The following RNASEH1 variants were observed in gnomAD, a reference collection of about 807,000 sequenced individuals.
The protein encoded by RNASEH1 is ribonuclease H type II.
Under a neutral mutation model 34.6 loss-of-function variants are expected in RNASEH1, and 27 were observed. The ratio of observed to expected loss-of-function variants is 0.78; its 90% CI spans 0.58 to 1.08. RNASEH1 has a LOEUF of 1.08. Among genes scored for constraint, RNASEH1 ranks in the 50% least tolerant of loss-of-function variants. The probability of loss-of-function intolerance (pLI) is 0.00; values close to 1 mark genes in which losing one functional copy is unlikely to be tolerated. For synonymous variants in RNASEH1, 162 were observed against 138.4 expected, an observed-to-expected ratio of 1.17 and a Z score of -1.20; for missense variants, 349 against 373.6, an observed-to-expected ratio of 0.93 and a Z score of 0.54.
Position 3,556,398 on chromosome 2 carries a change from C to T in RNASEH1, c.244+391G>A, listed in dbSNP as rs565837124. On this transcript the variant is annotated intron_variant, in intron 2 of 7. Transcript: ENST00000315212. The stretch of plus-strand genomic sequence containing the variant: ...TCGGCTCACTGTAGCCTCCACTTCT[C>T]GGGCTCAAGCAATTCTCCCACCTCA... 1.4e-4 allele frequency among the ~76,000 whole-genome samples: 21 copies of T among 150,576 alleles called. 1 individual carries two copies. The East Asian group carries it at 3.2e-3, about 23-fold the overall frequency.
At position 3,554,167 on chromosome 2, in the gene RNASEH1, G is replaced by A. The variant is rs558263892; in HGVS notation, c.245-1859C>T. Among the ~76,000 whole-genome samples, 44 of 152,288 alleles carry A rather than the reference G, an allele frequency of 2.9e-4. 2 individuals carry two copies. The highest frequency in any genetic ancestry group is 9.9e-4 in the African/African-American group (41 of 41,558). On this transcript the variant is annotated intron_variant, in intron 2 of 7. Transcript: ENST00000315212. ...AACACTTGACTGTGATCAGCACGACGTCAGCAACAGCTGGCGTTTCCACTG... is the reference window on the plus strand; with the variant it reads ...AACACTTGACTGTGATCAGCACGACATCAGCAACAGCTGGCGTTTCCACTG...
intron 4 of RNASEH1, among the ~76,000 whole-genome samples, chr2:3,549,948 G>GAA (rs369750124): frequency 1.2e-4 from 15 of 124,578 alleles, no homozygotes; most frequent in African/African-American, 3.3e-4. Context: ...TCCGTCTCAG[G>GAA]AAAAAAAAAA....
the RNASEH1 span, among the ~76,000 whole-genome samples, chr2:3,535,856 G>A: frequency 2.0e-4 from 30 of 152,228 alleles, no homozygotes; most frequent in Non-Finnish European, 3.7e-4. Flanking sequence ...GAAGGACGCA[G>A]CCTGCAGTGG....
At chr2:3,555,541 A>G (rs553955020) in intron 2 of RNASEH1, among the ~76,000 whole-genome samples, 17 of 152,168 alleles carry the variant, frequency 1.1e-4, no homozygotes, top group African/African-American at 4.1e-4. Context: ...CTCGCTCTGA[A>G]TTGTGCTTTG....
intron 7 of RNASEH1, among the ~76,000 whole-genome samples, chr2:3,546,234 C>T (rs1354332350): frequency 6.6e-6 from 1 of 152,168 alleles, no homozygotes; most frequent in African/African-American, 2.4e-5. Flanking sequence ...GCAGTGCTGT[C>T]AGAAATAATG....
rs981106281 is a variant in RNASEH1, at chr2:3,550,317, A to G, written c.509+56T>C. 6.0e-5 allele frequency: 83 copies of G among 1,380,698 alleles called. No homozygotes were observed. In the African/African-American group the frequency reaches 9.8e-4, roughly 16 times the overall value. The allele number at this position is 1,380,698 out of a possible 1,614,324, so 85.5% of individuals were successfully genotyped here. A position where few individuals can be genotyped will look rare whatever the true frequency, so the allele number is the denominator to read the frequency against. On this transcript the variant is annotated intron_variant, in intron 4 of 7. Coordinates refer to ENST00000315212, the MANE Select transcript of RNASEH1 (RefSeq NM_002936.6). ...TCAAACAATGAGCAGATCCCGCCTC[A>G]TCTTTTCACAAGTTGTGGAACATGA...
At chr2:3,535,700 G>A in the RNASEH1 span, among the ~76,000 whole-genome samples, 16 of 152,130 alleles carry the variant, frequency 1.1e-4, no homozygotes, top group Admixed American at 2.0e-4. Flanking sequence ...TTCTGAGAGG[G>A]ACAAGGAAGT....
chr2:3,557,292 T>C (rs1660608141), intron 1 of RNASEH1, among the ~76,000 whole-genome samples: 1 of 152,154 alleles, frequency 6.6e-6, no homozygotes, highest in African/African-American at 2.4e-5. Context: ...AATTTTTGCG[T>C]GAAAAGGGCA....
chr2:3,543,355 GTTTTTC>G lies in RNASEH1; in HGVS notation c.*2424_*2429del, dbSNP rs1668454319. 6.6e-6 allele frequency among the ~76,000 whole-genome samples: 1 copy of G among 152,182 alleles called. No homozygotes were observed. The highest frequency in any genetic ancestry group is 6.5e-5 in the Admixed American group (1 of 15,278). ...CAATTAAACTGCTAACTTGTCTAAAGTTTTTCTTTTAAGACAGGTTTGGAGCAGAAG... is the reference window on the plus strand; with the variant it reads ...CAATTAAACTGCTAACTTGTCTAAAGTTTTAAGACAGGTTTGGAGCAGAAG... On this transcript the variant is annotated 3_prime_UTR_variant, in exon 8 of 8. Transcript: ENST00000315212.
chr2:3,556,528 T>G (rs1202590600), intron 2 of RNASEH1, among the ~76,000 whole-genome samples: 1 of 151,990 alleles, frequency 6.6e-6, no homozygotes. Context: ...TGGACAAGTA[T>G]TTTTTTAAAA....
At chr2:3,532,270 C>T in the RNASEH1 span, 8 of 702,152 alleles carry the variant, frequency 1.1e-5, no homozygotes, top group African/African-American at 7.0e-5. Context: ...TATCTCCTCC[C>T]GTTTGACAAA....
chr2:3,551,145 AG>A (rs1659847668), intron 3 of RNASEH1, among the ~76,000 whole-genome samples: 1 of 152,258 alleles, frequency 6.6e-6, no homozygotes, highest in Non-Finnish European at 1.5e-5. Flanking sequence ...TGGTACGCGC[AG>A]GAAGTGGAAG....
At chr2:3,533,308 G>GTGC in the RNASEH1 span, 1 of 152,296 alleles carries the variant, frequency 6.6e-6, no homozygotes, top group Non-Finnish European at 1.5e-5. Flanking sequence ...GCCCACTGAT[G>GTGC]TGCTGGTCGA....
chr2:3,557,426 C>T (rs534399174), intron 1 of RNASEH1, among the ~76,000 whole-genome samples: 1 of 152,094 alleles, frequency 6.6e-6, no homozygotes, highest in South Asian at 2.1e-4. Flanking sequence ...CAAAATACTG[C>T]GGTCTTTGAA....
chr2:3,551,707 T>C (rs1659929712), intron 3 of RNASEH1, among the ~76,000 whole-genome samples: 2 of 152,236 alleles, frequency 1.3e-5, no homozygotes, highest in Non-Finnish European at 2.9e-5. Context: ...GAGTGAAAGG[T>C]AGCAGAAAAG....
the RNASEH1 span, among the ~76,000 whole-genome samples, chr2:3,535,990 A>G: frequency 6.6e-6 from 1 of 152,302 alleles, no homozygotes; most frequent in Non-Finnish European, 1.5e-5. Flanking sequence ...CGGCCACGAG[A>G]GAGCCAGCAC....
chr2:3,549,776 C>A (rs1314294918), intron 4 of RNASEH1, among the ~76,000 whole-genome samples: 3 of 151,918 alleles, frequency 2.0e-5, no homozygotes, highest in African/African-American at 7.3e-5. Context: ...GAAACCCCGT[C>A]TCTACTAAAA....
intron 7 of RNASEH1, among the ~76,000 whole-genome samples, chr2:3,547,244 C>G (rs137874769): frequency 0.03 from 4,496 of 152,286 alleles, 204 homozygotes; most frequent in African/African-American, 0.1. Context: ...GTGGTACAAT[C>G]TTGGCTCACT....
At position 3,544,233 on chromosome 2, in the gene RNASEH1, C is replaced by CT. The variant is rs935775746; in HGVS notation, c.*1551_*1552insA. 1.2e-4 allele frequency among the ~76,000 whole-genome samples: 18 copies of CT among 152,194 alleles called. No individual in the cohort carries two copies. Among genetic ancestry groups the CT allele is most frequent in the African/African-American group, 3.9e-4 (16 of 41,532 alleles). On this transcript the variant is annotated 3_prime_UTR_variant, in exon 8 of 8. Transcript: ENST00000315212. The stretch of plus-strand genomic sequence containing the variant: ...TACTTTCCTGAGGAAAGCTCCTAAC[C>CT]GCCTGTTCTCCTGCCAAAGGGATCA...
Sources: gnomAD v4.1 joint callset for allele counts (sites outside exome capture counted in the v4.1 genomes callset) on GRCh38, gnomAD v4.1.1 for gene constraint, MANE v1.5 for transcripts, NCBI Gene and HGNC (gene_info 2026-07-23, HGNC 2026-07-21) for gene names.